Variants in CD200R1 observed in about 807,000 individuals in gnomAD.
The protein encoded by CD200R1 is CD200 receptor 1, also known as cell surface glycoprotein CD200 receptor 1.
A neutral mutation model predicts 38.1 loss-of-function variants in CD200R1; 30 were observed. That is an observed-to-expected ratio of 0.79 (90% CI 0.59 to 1.07). CD200R1 has a LOEUF of 1.07. Ranked by LOEUF, CD200R1 falls within the 50% of genes least tolerant of loss-of-function variation. CD200R1 has a pLI of 0.00. For synonymous variants in CD200R1, 128 were observed against 152.1 expected (o/e 0.84, Z 1.16); for missense variants, 372 against 415.4 (o/e 0.90, Z 0.91).
intron 1 of CD200R1, among the ~76,000 whole-genome samples, chr3:112,950,802 C>A (rs569268245): frequency 6.6e-6 from 1 of 152,208 alleles, no homozygotes; most frequent in Admixed American, 6.5e-5. Flanking sequence ...AAATCAAACA[C>A]ACGTCTAAGC....
intron 1 of CD200R1, among the ~76,000 whole-genome samples, chr3:112,965,360 A>G (rs1364224589): frequency 6.6e-6 from 1 of 152,224 alleles, no homozygotes; most frequent in Non-Finnish European, 1.5e-5. Context: ...AAGTCTTTCA[A>G]GAATGCTGAC....
chr3:112,927,790 T>C (rs1023944886), intron 5 of CD200R1, among the ~76,000 whole-genome samples: 7 of 152,052 alleles, frequency 4.6e-5, no homozygotes, highest in Admixed American at 2.6e-4. Flanking sequence ...ATGTAGAAAA[T>C]ATTACTAAGG....
intron 2 of CD200R1, 109 bp downstream of exon 2, chr3:112,947,747 T>C: frequency 1.5e-6 from 1 of 667,216 alleles, no homozygotes; most frequent in South Asian, 1.9e-5. Context: ...TATAATATCA[T>C]TTAGATAATA....
At chr3:112,954,027 T>C (rs1941031130) in intron 1 of CD200R1, among the ~76,000 whole-genome samples, 1 of 152,138 alleles carries the variant, frequency 6.6e-6, no homozygotes, top group Non-Finnish European at 1.5e-5. Flanking sequence ...CGGTTGTTTA[T>C]TTGAGATTTT....
chr3:112,927,164 C>T (rs1248079820), intron 5 of CD200R1, among the ~76,000 whole-genome samples: 1 of 152,068 alleles, frequency 6.6e-6, no homozygotes, highest in Non-Finnish European at 1.5e-5. Flanking sequence ...AGGATCCAGA[C>T]ATCAGGGAGG....
At chr3:112,960,843 A>G (rs958703821) in intron 1 of CD200R1, among the ~76,000 whole-genome samples, 1 of 146,328 alleles carries the variant, frequency 6.8e-6, no homozygotes. Context: ...AATGCAATAT[A>G]TATTTTATGT....
intron 2 of CD200R1, among the ~76,000 whole-genome samples, chr3:112,938,130 C>A (rs2107314616): frequency 6.6e-6 from 1 of 152,250 alleles, no homozygotes; most frequent in Non-Finnish European, 1.5e-5. Context: ...ATCATGTTAT[C>A]TGCAAACAAA....
Position 112,925,131 on chromosome 3 carries a change from AAAT to A in CD200R1, c.829_831del (p.Ile277del). ...AACCAAATGAATCCCACGATGGTCA[AAAT>A]AATAATAGTAAGGATGATATATGGA... is the stretch of plus-strand genomic sequence containing the variant. On this transcript the variant is annotated inframe_deletion, in exon 6 of 8. Coordinates refer to ENST00000308611, the MANE Select transcript of CD200R1 (RefSeq NM_138806.4). 3 of 1,608,774 alleles carry A rather than the reference AAAT, an allele frequency of 1.9e-6. No individual in the cohort carries two copies. Among genetic ancestry groups the A allele is most frequent in the East Asian group, 2.2e-5 (1 of 44,706 alleles).
At chr3:112,974,691 G>T in intron 1 of CD200R1, 100 bp downstream of exon 1, 1 of 775,888 alleles carries the variant, frequency 1.3e-6, no homozygotes. Flanking sequence ...ATTTATTATT[G>T]CAATTGATTT....
intron 2 of CD200R1, among the ~76,000 whole-genome samples, chr3:112,933,057 C>G (rs902683002): frequency 2.6e-5 from 4 of 152,160 alleles, no homozygotes; most frequent in African/African-American, 9.7e-5. Context: ...AGAAACAGCA[C>G]AGCAGGCATG....
At chr3:112,946,829 T>C (rs961441631) in intron 2 of CD200R1, among the ~76,000 whole-genome samples, 4 of 152,154 alleles carry the variant, frequency 2.6e-5, no homozygotes, top group African/African-American at 9.7e-5. Context: ...CAAAAACCCG[T>C]GCATGGGTGT....
At chr3:112,942,992 T>A (rs891939134) in intron 2 of CD200R1, among the ~76,000 whole-genome samples, 1 of 151,650 alleles carries the variant, frequency 6.6e-6, no homozygotes, top group Non-Finnish European at 1.5e-5. Flanking sequence ...CAAAAACTGA[T>A]AGAACAGCAA....
At chr3:112,973,611 G>T (rs1360027710) in intron 1 of CD200R1, among the ~76,000 whole-genome samples, 1 of 152,104 alleles carries the variant, frequency 6.6e-6, no homozygotes, top group Non-Finnish European at 1.5e-5. Context: ...TCAATAGAAA[G>T]GTGCAGTCAA....
At position 112,929,606 on chromosome 3, in the gene CD200R1, GT is replaced by G. The variant is rs975603177; in HGVS notation, c.203-100del. 3.6e-6 allele frequency: 4 copies of G among 1,104,316 alleles called. No individual in the cohort carries two copies. The African/African-American group carries it at 6.3e-5, about 18-fold the overall frequency. 68.4% of individuals were successfully genotyped at this position (1,104,316 alleles called of 1,614,324 possible). On this transcript the variant is annotated intron_variant, in intron 3 of 7. Transcript: ENST00000308611. Reference sequence around the variant, plus strand: ...TGAAGTTACACTAGAACATAACTTTGTTGGTGATCTTATTCCAAAAATATTA... The same window carrying G: ...TGAAGTTACACTAGAACATAACTTTGTGGTGATCTTATTCCAAAAATATTA...
intron 2 of CD200R1, among the ~76,000 whole-genome samples, chr3:112,942,929 T>C (rs1381471821): frequency 6.6e-6 from 1 of 151,592 alleles, no homozygotes; most frequent in Non-Finnish European, 1.5e-5. Flanking sequence ...CAAAAAGAAA[T>C]AATAATCCTT....
At chr3:112,962,207 A>C (rs146294560) in intron 1 of CD200R1, among the ~76,000 whole-genome samples, 40 of 152,186 alleles carry the variant, frequency 2.6e-4, no homozygotes, top group African/African-American at 8.9e-4. Context: ...TTTTGAGGCA[A>C]TTACTGTCAC....
At chr3:112,935,492 G>C (rs1433130563) in intron 2 of CD200R1, among the ~76,000 whole-genome samples, 2 of 152,092 alleles carry the variant, frequency 1.3e-5, no homozygotes, top group Admixed American at 6.6e-5. Context: ...TGACAAATGA[G>C]TAAAGAAAGA....
chr3:112,964,570 T>G (rs1202579975), intron 1 of CD200R1, among the ~76,000 whole-genome samples: 1 of 152,248 alleles, frequency 6.6e-6, no homozygotes, highest in Non-Finnish European at 1.5e-5. Flanking sequence ...TTCTCCCATT[T>G]GGAATGACTG....
intron 2 of CD200R1, 88 bp from the exon 3 acceptor site, chr3:112,931,259 A>G (rs534888534): frequency 1.4e-4 from 104 of 745,138 alleles, no homozygotes; most frequent in Admixed American, 1.2e-3. Flanking sequence ...CTTATCCAAC[A>G]TGATAGGCAA....
Sources: gnomAD v4.1 joint callset for allele counts (sites outside exome capture counted in the v4.1 genomes callset) on GRCh38, gnomAD v4.1.1 for gene constraint, MANE v1.5 for transcripts, NCBI Gene and HGNC (gene_info 2026-07-23, HGNC 2026-07-21) for gene names.